Variants in TADA2A observed in about 807,000 individuals in gnomAD.
TADA2A encodes the protein transcriptional adaptor 2A.
Under a neutral mutation model 67.4 loss-of-function variants are expected in TADA2A, and 38 were observed. That is an observed-to-expected ratio of 0.56 (90% confidence interval 0.44 to 0.74). The LOEUF is 0.74. Among genes scored for constraint, TADA2A ranks in the 30% least tolerant of loss-of-function variants. The pLI, the probability that TADA2A is intolerant of heterozygous loss-of-function variation, is 0.00. For synonymous variants in TADA2A, 192 were observed against 181.6 expected (o/e 1.06, Z -0.46); for missense variants, 454 against 547.0 (o/e 0.83, Z 1.70).
intron 9 of TADA2A, among the ~76,000 whole-genome samples, chr17:37,460,757 G>A (rs1304401405): frequency 6.6e-6 from 1 of 152,144 alleles, no homozygotes; most frequent in African/African-American, 2.4e-5. Context: ...GGGTATAAGT[G>A]TGCATGTGTG....
At chr17:37,465,096 C>A (rs866596748) in intron 10 of TADA2A, among the ~76,000 whole-genome samples, 1 of 147,780 alleles carries the variant, frequency 6.8e-6, no homozygotes, top group Non-Finnish European at 1.5e-5. Flanking sequence ...TGCAGTGCGC[C>A]GAGATCACCC....
Position 37,433,429 on chromosome 17 carries a change from A to G in TADA2A, c.193-4309A>G, listed in dbSNP as rs764256629. Among the ~76,000 whole-genome samples, 53 of 152,022 alleles carry G rather than the reference A, an allele frequency of 3.5e-4. 1 individual carries two copies. Among genetic ancestry groups the G allele is most frequent in the Non-Finnish European group, 8.8e-5 (6 of 67,990 alleles). On this transcript the variant is annotated intron_variant, in intron 4 of 15. Transcript: ENST00000615182. Reference sequence around the variant, plus strand: ...TCCCAGCACTTTGAGAGGCTGCGGTAGGAGAATTGTTTGAGTCCAGGAGTT... The same window carrying G: ...TCCCAGCACTTTGAGAGGCTGCGGTGGGAGAATTGTTTGAGTCCAGGAGTT...
intron 6 of TADA2A, among the ~76,000 whole-genome samples, chr17:37,441,873 G>T (rs972349441): frequency 6.6e-6 from 1 of 152,012 alleles, no homozygotes; most frequent in Non-Finnish European, 1.5e-5. Context: ...TTGCTGTGTT[G>T]GCGAGGCTGG....
At chr17:37,436,983 G>A (rs994388475) in intron 4 of TADA2A, among the ~76,000 whole-genome samples, 2 of 151,840 alleles carry the variant, frequency 1.3e-5, no homozygotes, top group Admixed American at 6.6e-5. Context: ...GGTGGAAACG[G>A]GTGGGAGAGG....
chr17:37,471,017 C>T (rs369487941), intron 13 of TADA2A, 77 bp from the exon 14 acceptor site: 86 of 1,442,380 alleles, frequency 6.0e-5, no homozygotes, highest in Non-Finnish European at 7.9e-5. Context: ...TGATAAATGG[C>T]ACCCAGTCTC....
At chr17:37,441,777 G>T (rs200556497) in intron 6 of TADA2A, among the ~76,000 whole-genome samples, 3 of 150,774 alleles carry the variant, frequency 2.0e-5, no homozygotes, top group African/African-American at 7.3e-5. Flanking sequence ...AACGATTCTC[G>T]TGCCTCAGCC....
At chr17:37,454,827 A>G in intron 8 of TADA2A, 1 of 237,544 alleles carries the variant, frequency 4.2e-6, no homozygotes, top group Admixed American at 4.4e-5. Context: ...GAAGCAAAAA[A>G]GGCTAAGCTA....
chr17:37,418,356 G>T (rs2052116755), intron 2 of TADA2A, among the ~76,000 whole-genome samples: 1 of 152,120 alleles, frequency 6.6e-6, no homozygotes, highest in Non-Finnish European at 1.5e-5. Flanking sequence ...TGTTTTAGGG[G>T]CCTGCAGAAT....
intron 2 of TADA2A, among the ~76,000 whole-genome samples, chr17:37,417,591 G>A (rs755506411): frequency 6.6e-6 from 1 of 151,926 alleles, no homozygotes; most frequent in Admixed American, 6.6e-5. Context: ...CTAGAGTGCA[G>A]TGGCATGATC....
chr17:37,407,123 G>A (rs1277024809), intron 1 of TADA2A, 174 bp downstream of exon 1: 1 of 148,294 alleles, frequency 6.7e-6, no homozygotes, highest in South Asian at 1.8e-4. Flanking sequence ...GGCGGGCAGC[G>A]GCGGGCCTCG....
chr17:37,469,451 T>C (rs987422751), intron 12 of TADA2A, among the ~76,000 whole-genome samples: 3 of 151,630 alleles, frequency 2.0e-5, no homozygotes, highest in African/African-American at 7.3e-5. Flanking sequence ...CTGACCAACA[T>C]GGAGAAACCC....
rs1437915129 is a variant in TADA2A at position 37,406,941 on chromosome 17, C to T, written c.-106C>T. On this transcript the variant is annotated 5_prime_UTR_variant, in exon 1 of 16. Coordinates refer to ENST00000615182, the MANE Select transcript of TADA2A (RefSeq NM_001166105.3). Reference sequence around the variant, plus strand: ...GGCTCTTTGGCGCGGATTAGGGGGTCTCGGCGAGGTGAGGCGCCAGGCAGC... The same window carrying T: ...GGCTCTTTGGCGCGGATTAGGGGGTTTCGGCGAGGTGAGGCGCCAGGCAGC... The T allele has an allele frequency of 2.3e-5, 2 of 85,310 alleles. No individual in the cohort carries two copies. Among genetic ancestry groups the T allele is most frequent in the Non-Finnish European group, 4.4e-5 (2 of 45,206 alleles). The allele number at this position is 85,310 out of a possible 1,614,324, so 5.3% of individuals were successfully genotyped here. A position where few individuals can be genotyped will look rare whatever the true frequency, so the allele number is the denominator to read the frequency against.
intron 8 of TADA2A, among the ~76,000 whole-genome samples, 166 bp from the exon 9 acceptor site, chr17:37,458,358 T>A (rs2053451702): frequency 6.6e-6 from 1 of 152,174 alleles, no homozygotes; most frequent in Non-Finnish European, 1.5e-5. Flanking sequence ...ATAGACAAAT[T>A]CTTTATGCTG....
At chr17:37,409,242 C>T (rs1205758818) in intron 1 of TADA2A, among the ~76,000 whole-genome samples, 9 of 151,938 alleles carry the variant, frequency 5.9e-5, no homozygotes, top group African/African-American at 1.4e-4. Flanking sequence ...CCCGCCACCA[C>T]GCCAAGCAAA....
intron 4 of TADA2A, among the ~76,000 whole-genome samples, chr17:37,437,046 C>G: frequency 6.6e-6 from 1 of 151,580 alleles, no homozygotes; most frequent in East Asian, 1.9e-4. Flanking sequence ...CGGCTGTAAA[C>G]TATTACTACA....
chr17:37,450,853 A>T (rs1428408262), intron 8 of TADA2A, among the ~76,000 whole-genome samples: 2 of 152,170 alleles, frequency 1.3e-5, no homozygotes, highest in Non-Finnish European at 2.9e-5. Context: ...GTTGCTGCTG[A>T]GTGTGCTCAG....
intron 3 of TADA2A, among the ~76,000 whole-genome samples, chr17:37,424,064 C>T (rs919806124): frequency 3.3e-5 from 5 of 150,526 alleles, no homozygotes; most frequent in East Asian, 2.0e-4. Flanking sequence ...TTTCATTATA[C>T]GTTTTACCAG....
chr17:37,461,167 C>T (rs1667910190), intron 9 of TADA2A, among the ~76,000 whole-genome samples: 1 of 152,006 alleles, frequency 6.6e-6, no homozygotes, highest in African/African-American at 2.4e-5. Context: ...GTTAGATTCT[C>T]ATAAGGAGCA....
At chr17:37,438,650 A>G (rs1252769400) in intron 5 of TADA2A, among the ~76,000 whole-genome samples, 1 of 152,192 alleles carries the variant, frequency 6.6e-6, no homozygotes, top group African/African-American at 2.4e-5. Context: ...TTTAGTTCAC[A>G]TTTTGCTTGT....
Sources: allele counts gnomAD v4.1 joint callset (sites outside exome capture counted in the v4.1 genomes callset), GRCh38; gene constraint gnomAD v4.1.1; transcripts MANE v1.5; gene names NCBI Gene and HGNC (gene_info 2026-07-23, HGNC 2026-07-21).